The following ERICH3 variants were observed in gnomAD, a reference collection of about 807,000 sequenced individuals.
ERICH3 encodes the protein glutamate rich 3.
Under a neutral mutation model 131.1 loss-of-function variants are expected in ERICH3, and 126 were observed. The observed-to-expected ratio is 0.96, with a 90% CI of 0.83 to 1.11. The LOEUF is 1.11. Among genes scored for constraint, ERICH3 ranks in the 50% most tolerant of loss-of-function variants. The pLI is 0.00. For missense variants in ERICH3, 2,050 were observed against 1,810.7 expected (o/e 1.13, Z -2.40); for synonymous variants, 695 against 644.6 (o/e 1.08, Z -1.18).
chr1:74,590,408 T>C (rs1437404753), intron 11 of ERICH3, among the ~76,000 whole-genome samples: 2 of 152,304 alleles, frequency 1.3e-5, no homozygotes, highest in East Asian at 3.9e-4. Context: ...GACAATAATA[T>C]AGAATCAGTG....
chr1:74,625,355 G>A (rs1192664672), intron 7 of ERICH3: 1 of 151,904 alleles, frequency 6.6e-6, no homozygotes, highest in African/African-American at 2.4e-5. Context: ...GCACCATTAT[G>A]TAGAATCTAA....
intron 12 of ERICH3, 25 bp from the exon 13 acceptor site, chr1:74,576,961 A>G: frequency 1.9e-6 from 3 of 1,581,258 alleles, no homozygotes; most frequent in Non-Finnish European, 1.7e-6. Context: ...AAAAAAGAAA[A>G]AAAAGGTCAA....
At position 74,571,607 on chromosome 1, in the gene ERICH3, T is replaced by C. The variant is rs1027806887; in HGVS notation, c.4103A>G (p.Glu1368Gly). The change falls in exon 14 of 15, where the codon GAG becomes GGG. Residue 1368 changes from glutamate (E) to glycine (G), a missense_variant. By Grantham distance (98) the Glu-to-Gly change is moderately conservative. Transcript: ENST00000326665. ...GGAGGCTTTATTTGCTATTGTTTTC[T>C]CCTCGGCTGTCTCCGAACCTGCCAA... ...EVLAGSETAE[E>G]KTIANKASSF... 6.2e-7 allele frequency: 1 copy of C among 1,614,164 alleles called. No homozygotes were observed. The highest frequency in any genetic ancestry group is 1.7e-5 in the Admixed American group (1 of 60,026).
Position 74,649,241 on chromosome 1 carries a change from T to G in ERICH3, c.98A>C (p.His33Pro), listed in dbSNP as rs767060864. 1 of 1,611,014 alleles carries G rather than the reference T, an allele frequency of 6.2e-7. No homozygotes were observed. Among genetic ancestry groups the G allele is most frequent in the South Asian group, 1.1e-5 (1 of 90,704 alleles). Residue 33 changes from histidine (H) to proline (P), a missense_variant, in exon 2 of 15, where the codon CAT becomes CCT. Coordinates refer to ENST00000326665, the MANE Select transcript of ERICH3 (RefSeq NM_001002912.5). ...GYFNNTRIRRHLLRSGLITRS... is the reference protein window; with the variant it reads ...GYFNNTRIRRPLLRSGLITRS... Reference sequence around the variant, plus strand: ...ACTTACCAGTCCTGATCTTAAGAGATGACGCCTTATCCTTGTATTGTTAAA... The same window carrying G: ...ACTTACCAGTCCTGATCTTAAGAGAGGACGCCTTATCCTTGTATTGTTAAA...
At chr1:74,657,338 C>T (rs1646594640) in intron 1 of ERICH3, among the ~76,000 whole-genome samples, 1 of 152,020 alleles carries the variant, frequency 6.6e-6, no homozygotes, top group Non-Finnish European at 1.5e-5. Flanking sequence ...TTTGAAGAAA[C>T]TTGATGAAAG....
At chr1:74,574,433 G>C (rs1647015781) in intron 13 of ERICH3, among the ~76,000 whole-genome samples, 1 of 152,078 alleles carries the variant, frequency 6.6e-6, no homozygotes, top group Non-Finnish European at 1.5e-5. Context: ...TCTAGATTTA[G>C]TCATCACAAA....
chr1:74,583,040 A>G (rs1250404084), intron 12 of ERICH3, among the ~76,000 whole-genome samples: 1 of 152,158 alleles, frequency 6.6e-6, no homozygotes, highest in Non-Finnish European at 1.5e-5. Flanking sequence ...AACAATGTAA[A>G]CGGGGGCAGA....
chr1:74,593,753 A>G (rs1201731775), intron 11 of ERICH3, among the ~76,000 whole-genome samples: 1 of 152,136 alleles, frequency 6.6e-6, no homozygotes, highest in Non-Finnish European at 1.5e-5. Context: ...ATTATCTTCT[A>G]TTTTGAGATC....
At chr1:74,655,100 C>G (rs1028093091) in intron 1 of ERICH3, among the ~76,000 whole-genome samples, 1 of 152,238 alleles carries the variant, frequency 6.6e-6, no homozygotes, top group Admixed American at 6.5e-5. Context: ...TTAAATTCAG[C>G]TAATCTCTTA....
At chr1:74,577,853 C>A (rs1306231033) in intron 12 of ERICH3, among the ~76,000 whole-genome samples, 3 of 152,164 alleles carry the variant, frequency 2.0e-5, no homozygotes, top group African/African-American at 4.8e-5. Context: ...TGACACCAAT[C>A]ATCACTGCTT....
At chr1:74,618,254 G>T (rs1649066005) in intron 8 of ERICH3, among the ~76,000 whole-genome samples, 1 of 152,194 alleles carries the variant, frequency 6.6e-6, no homozygotes, top group African/African-American at 2.4e-5. Flanking sequence ...GGATAAAACA[G>T]AGTAGAAGTC....
Position 74,574,246 on chromosome 1 carries a change from A to C in ERICH3, c.2219-755T>G, listed in dbSNP as rs145334382. Among the ~76,000 whole-genome samples, 11 of 152,156 alleles carry C rather than the reference A, an allele frequency of 7.2e-5. No individual in the cohort carries two copies. The South Asian group carries it at 1.9e-3, about 26-fold the overall frequency. On this transcript the variant is annotated intron_variant, in intron 13 of 14. Transcript: ENST00000326665. ...TCAACTCTTGGATCTCAAACTCCCA[A>C]AGTGTTGGGATTACAGGTGTGGGCC... is the stretch of plus-strand genomic sequence containing the variant.
At position 74,638,550 on chromosome 1, in the gene ERICH3, G is replaced by C. The variant is rs529293303; in HGVS notation, c.445-2112C>G. ...GAATATCCGACTGGGAAGAAAGCTG[G>C]TTGTGAGCAAGACATGGGAAGAGTA... On this transcript the variant is annotated intron_variant, in intron 5 of 14. Transcript: ENST00000326665. Among the ~76,000 whole-genome samples, 50 of 152,338 alleles carry C rather than the reference G, an allele frequency of 3.3e-4. No homozygotes were observed. The South Asian group carries it at 0.01, about 31-fold the overall frequency.
At chr1:74,666,358 T>G (rs1160225828) in intron 1 of ERICH3, among the ~76,000 whole-genome samples, 1 of 152,230 alleles carries the variant, frequency 6.6e-6, no homozygotes, top group Non-Finnish European at 1.5e-5. Context: ...TGTTCTTCAC[T>G]TTTAAAGTAT....
intron 12 of ERICH3, among the ~76,000 whole-genome samples, chr1:74,582,868 C>T (rs1023292238): frequency 1.3e-5 from 2 of 152,070 alleles, no homozygotes; most frequent in Middle Eastern, 3.2e-3. Context: ...AGAATGATGA[C>T]GATGAAAGTT....
rs1646945360 is a variant in ERICH3, at chr1:74,571,509, C to T, written c.4201G>A (p.Gly1401Arg). 6.2e-7 allele frequency: 1 copy of T among 1,614,174 alleles called. No homozygotes were observed. The highest frequency in any genetic ancestry group is 8.5e-7 in the Non-Finnish European group (1 of 1,180,022). ...GCTAATTCCTCTACCACCACCTTCC[C>T]TGCAGCTGCTGTTTTTCCTACTAAC... ...DELVGKTAAA[G>R]KVVVEELARS... Residue 1401 changes from glycine to arginine, a missense_variant, in exon 14 of 15, where the codon GGG becomes AGG. Gly to Arg is a moderately radical substitution (Grantham distance 125). Transcript: ENST00000326665.
intron 5 of ERICH3, 39 bp from the exon 6 acceptor site, chr1:74,636,477 T>C: frequency 6.4e-7 from 1 of 1,563,014 alleles, no homozygotes; most frequent in South Asian, 1.2e-5. Flanking sequence ...TAAATTAGTA[T>C]CTTGACATGT....
chr1:74,663,446 C>T (rs1646660759), intron 1 of ERICH3, among the ~76,000 whole-genome samples: 1 of 152,048 alleles, frequency 6.6e-6, no homozygotes, highest in African/African-American at 2.4e-5. Context: ...TACTAGAAGC[C>T]ATTCCCAAAC....
Position 74,606,758 on chromosome 1 carries a change from C to A in ERICH3, c.1332G>T (p.Glu444Asp), listed in dbSNP as rs533323169. Residue 444 changes from glutamate (E) to aspartate (D), a missense_variant, in exon 10 of 15, where the codon GAG becomes GAT. Coordinates refer to ENST00000326665, the MANE Select transcript of ERICH3 (RefSeq NM_001002912.5). ...EREYVIPKRNEIKENKTSVSA... is the reference protein window; with the variant it reads ...EREYVIPKRNDIKENKTSVSA... ...AAACAGAGGTTTTGTTCTCCTTGAT[C>A]TCATTTCTTTTTGGTATCACATACT... The A allele has an allele frequency of 8.1e-6, 13 of 1,613,208 alleles. No homozygotes were observed. Among genetic ancestry groups the A allele is most frequent in the Non-Finnish European group, 1.1e-5 (13 of 1,179,588 alleles).
Sources: allele counts gnomAD v4.1 joint callset (sites outside exome capture counted in the v4.1 genomes callset), GRCh38; gene constraint gnomAD v4.1.1; transcripts MANE v1.5; gene names NCBI Gene and HGNC (gene_info 2026-07-23, HGNC 2026-07-21).